TRIB3: variants seen among roughly 807,000 people sequenced by gnomAD.
TRIB3 encodes the protein tribbles pseudokinase 3.
TRIB3 carries 20 observed loss-of-function variants against 16.6 expected under a neutral mutation model. The observed-to-expected ratio is 1.20, with a 90% CI of 0.85 to 1.75. TRIB3 has a LOEUF of 1.75. Among genes scored for constraint, TRIB3 ranks in the 40% most tolerant of loss-of-function variants. TRIB3 has a pLI of 0.00. For missense variants in TRIB3, 484 were observed against 488.9 expected, an observed-to-expected ratio of 0.99 and a Z score of 0.10; for synonymous variants, 208 against 217.0, an observed-to-expected ratio of 0.96 and a Z score of 0.36.
chr20:392,510 A>T (rs2015007809), intron 3 of TRIB3, among the ~76,000 whole-genome samples: 1 of 151,968 alleles, frequency 6.6e-6, no homozygotes, highest in Non-Finnish European at 1.5e-5. Flanking sequence ...GAGAATTAGC[A>T]CTTTTTGGTT....
At position 396,230 on chromosome 20, in the gene TRIB3, C is replaced by T; in HGVS notation, c.617C>T (p.Ser206Phe). The T allele has an allele frequency of 1.2e-6, 2 of 1,612,844 alleles. No homozygotes were observed. The highest frequency in any genetic ancestry group is 2.2e-5 in the East Asian group (1 of 44,838). ...KKLVLENLED[S>F]CVLTGPDDSL... ...CTGGTGCTGGAGAACCTGGAGGACT[C>T]CTGCGTGCTGACTGGGCCAGATGAT... Residue 206 changes from serine (S) to phenylalanine (F), a missense_variant, in exon 4 of 4, where the codon TCC (serine) becomes TTC (phenylalanine). By Grantham distance (155) the Ser-to-Phe change is radical. Transcript: ENST00000217233.
Position 391,550 on chromosome 20 carries a change from G to A in TRIB3, c.555G>A (p.Leu185=), listed in dbSNP as rs2014980983. The A allele has an allele frequency of 6.2e-7, 1 of 1,611,690 alleles. No homozygotes were observed. The highest frequency in any genetic ancestry group is 1.3e-5 in the African/African-American group (1 of 74,926). The change falls in exon 3 of 4, where the codon CTG becomes CTA. Residue 185 remains leucine (L), a synonymous_variant. Transcript: ENST00000217233. ...QHGLVLRDLK[L]CRFVFADRER... ...GTCTGGTCCTGCGTGATCTCAAGCTGTGTCGCTTTGTCTTCGCTGACCGTG... is the reference window on the plus strand; with the variant it reads ...GTCTGGTCCTGCGTGATCTCAAGCTATGTCGCTTTGTCTTCGCTGACCGTG...
At position 386,722 on chromosome 20, in the gene TRIB3, G is replaced by C. The variant is rs7265331; in HGVS notation, c.1-1289G>C. ...CAAGTAGCTGGGATTACAGGCCCAC[G>C]CCACCACGCCTGGCTAATTTTTCTA... On this transcript the variant is annotated intron_variant, in intron 1 of 3. Coordinates refer to ENST00000217233, the MANE Select transcript of TRIB3 (RefSeq NM_021158.5). Among the ~76,000 whole-genome samples the C allele has an allele frequency of 3.5e-3, 535 of 152,126 alleles. 3 individuals carry two copies. The highest frequency in any genetic ancestry group is 0.012 in the African/African-American group (516 of 41,514).
intron 3 of TRIB3, 61 bp downstream of exon 3, chr20:391,640 A>T (rs1446039050): frequency 2.6e-6 from 4 of 1,553,072 alleles, no homozygotes; most frequent in Non-Finnish European, 3.5e-6. Context: ...CATGATGGAG[A>T]GAAACCGAGG....
chr20:389,419 G>A (rs181280582), intron 2 of TRIB3, among the ~76,000 whole-genome samples: 23 of 152,124 alleles, frequency 1.5e-4, no homozygotes, highest in African/African-American at 4.8e-4. Context: ...GGAGAGTAGC[G>A]GGGGCCTGGG....
intron 1 of TRIB3, chr20:385,874 T>C (rs2014790702): frequency 6.9e-6 from 1 of 145,458 alleles, no homozygotes; most frequent in Admixed American, 6.7e-5. Context: ...TTTTTTTTTT[T>C]TTTGAGAGAG....
intron 1 of TRIB3, among the ~76,000 whole-genome samples, chr20:384,978 C>G (rs895590095): frequency 6.6e-6 from 1 of 152,174 alleles, no homozygotes; most frequent in African/African-American, 2.4e-5. Flanking sequence ...TGTCCTTGTG[C>G]TCAGCTGAAA....
intron 1 of TRIB3, chr20:382,355 G>T: frequency 1.7e-6 from 1 of 597,840 alleles, no homozygotes; most frequent in African/African-American, 1.8e-5. Flanking sequence ...GGCTCTGAGG[G>T]ATGGCCGGGG....
intron 1 of TRIB3, among the ~76,000 whole-genome samples, chr20:385,935 G>A (rs2014794058): frequency 6.7e-6 from 1 of 148,444 alleles, no homozygotes; most frequent in Admixed American, 6.7e-5. Context: ...ATGGCTCACT[G>A]AAGCCTCAAC....
chr20:396,262 T>A lies in TRIB3; in HGVS notation c.649T>A (p.Trp217Arg), dbSNP rs1205757541. ...GCTGACTGGGCCAGATGATTCCCTGTGGGACAAGCACGCGTGCCCAGCCTA... is the reference window on the plus strand; with the variant it reads ...GCTGACTGGGCCAGATGATTCCCTGAGGGACAAGCACGCGTGCCCAGCCTA... Reference protein sequence around the residue: ...CVLTGPDDSLWDKHACPAYVG... With the variant: ...CVLTGPDDSLRDKHACPAYVG... The change falls in exon 4 of 4, where the codon TGG becomes AGG. Residue 217 changes from tryptophan (W) to arginine (R), a missense_variant. By Grantham distance (101) the Trp-to-Arg change is moderately radical. Transcript: ENST00000217233. 1 of 1,613,932 alleles carries A rather than the reference T, an allele frequency of 6.2e-7. No homozygotes were observed. The highest frequency in any genetic ancestry group is 8.5e-7 in the Non-Finnish European group (1 of 1,179,990).
intron 3 of TRIB3, among the ~76,000 whole-genome samples, chr20:393,178 C>T (rs1345678176): frequency 1.3e-5 from 2 of 152,084 alleles, no homozygotes; most frequent in Non-Finnish European, 2.9e-5. Context: ...TTAACTAAGC[C>T]ACAGATTGAT....
At chr20:384,471 C>A (rs1280186720) in intron 1 of TRIB3, among the ~76,000 whole-genome samples, 1 of 152,124 alleles carries the variant, frequency 6.6e-6, no homozygotes, top group Non-Finnish European at 1.5e-5. Flanking sequence ...TCAAGTGATT[C>A]TCCTGCCTCA....
chr20:394,228 G>T (rs1400766531), intron 3 of TRIB3, among the ~76,000 whole-genome samples: 1 of 151,948 alleles, frequency 6.6e-6, no homozygotes, highest in African/African-American at 2.4e-5. Context: ...ATGGGGTTTT[G>T]CCATGTTGGC....
At position 391,001 on chromosome 20, in the gene TRIB3, C is replaced by CGA. The variant is rs747388615; in HGVS notation, c.292-286_292-285insGA. On this transcript the variant is annotated intron_variant, in intron 2 of 3. Coordinates refer to ENST00000217233, the MANE Select transcript of TRIB3 (RefSeq NM_021158.5). ...TGGGTGACAGAGCGAGACTCCGTCT[C>CGA]AAAAAAAAAAAAAAAAAAAAAAAGC... Among the ~76,000 whole-genome samples, 13 of 85,776 alleles carry CGA rather than the reference C, an allele frequency of 1.5e-4. 2 individuals carry two copies. The highest frequency in any genetic ancestry group is 2.7e-4 in the Admixed American group (2 of 7,444). 56.3% of individuals were successfully genotyped at this position (85,776 alleles called of 152,430 possible). A position where few individuals can be genotyped will look rare whatever the true frequency, so the allele number is the denominator to read the frequency against.
At chr20:390,515 G>A (rs2014942477) in intron 2 of TRIB3, among the ~76,000 whole-genome samples, 1 of 152,124 alleles carries the variant, frequency 6.6e-6, no homozygotes, top group Non-Finnish European at 1.5e-5. Context: ...GCAGGCCCAG[G>A]GCCAGCATAC....
Position 391,331 on chromosome 20 carries a change from G to A in TRIB3, c.336G>A (p.Ala112=), listed in dbSNP as rs1399778873. ...CCCTGGCCGTGCTGGAGCCCTATGC[G>A]CGGCTGCCCCCGCACAAGCATGTGG... ...QEALAVLEPY[A]RLPPHKHVAR... is the part of the protein sequence containing the mutation. The change falls in exon 3 of 4, where the codon GCG becomes GCA. Residue 112 remains alanine, a synonymous_variant. Transcript: ENST00000217233. 9 of 1,613,150 alleles carry A rather than the reference G, an allele frequency of 5.6e-6. No homozygotes were observed. The highest frequency in any genetic ancestry group is 1.7e-4 in the Middle Eastern group (1 of 6,048).
chr20:386,772 C>T (rs1236732067), intron 1 of TRIB3, among the ~76,000 whole-genome samples: 1 of 151,314 alleles, frequency 6.6e-6, no homozygotes, highest in Non-Finnish European at 1.5e-5. Flanking sequence ...GGGGTTTCAC[C>T]ATGTTGGCCA....
chr20:386,897 T>G (rs1023299570), intron 1 of TRIB3, among the ~76,000 whole-genome samples: 2 of 151,386 alleles, frequency 1.3e-5, no homozygotes, highest in African/African-American at 4.9e-5. Flanking sequence ...ATTACAGGCA[T>G]AAGCCACTGC....
chr20:382,437 C>G, intron 1 of TRIB3: 1 of 1,234,708 alleles, frequency 8.1e-7, no homozygotes, highest in Non-Finnish European at 1.1e-6. Flanking sequence ...GCACAGGGCA[C>G]AAAGCATGTG....
Sources: gnomAD v4.1 joint callset for allele counts (sites outside exome capture counted in the v4.1 genomes callset) on GRCh38, gnomAD v4.1.1 for gene constraint, MANE v1.5 for transcripts, NCBI Gene and HGNC (gene_info 2026-07-23, HGNC 2026-07-21) for gene names.